POC5: variants seen among roughly 807,000 people sequenced by gnomAD.
POC5 encodes the protein POC5 centriolar protein.
POC5 carries 48 observed loss-of-function variants against 62.9 expected under a neutral mutation model. That is an observed-to-expected ratio of 0.76 (90% confidence interval 0.61 to 0.97). The LOEUF (loss-of-function observed/expected upper bound fraction) is 0.97, where lower values mean the gene tolerates loss of function less well. POC5 is among the 50% of genes least tolerant of loss of function. The pLI is 0.00. For missense variants in POC5, 696 were observed against 679.5 expected (o/e 1.02, Z -0.27); for synonymous variants, 236 against 228.2 (o/e 1.03, Z -0.31).
intron 10 of POC5, among the ~76,000 whole-genome samples, chr5:75,684,047 T>C (rs1232333949): frequency 6.6e-6 from 1 of 152,102 alleles, no homozygotes; most frequent in Non-Finnish European, 1.5e-5. Context: ...TCAGGCAAGT[T>C]CTCACACAAA....
chr5:75,704,780 G>A lies in POC5; in HGVS notation c.307+924C>T, dbSNP rs551499884. ...ACTAAGGGTTAGAGGCATTACTTAC[G>A]TGGTGACAAAAATGGTTACCACATT... On this transcript the variant is annotated intron_variant, in intron 4 of 11. Coordinates refer to ENST00000428202, the MANE Select transcript of POC5 (RefSeq NM_001099271.2). Among the ~76,000 whole-genome samples the A allele has an allele frequency of 4.6e-5, 7 of 152,256 alleles. No individual in the cohort carries two copies. The East Asian group carries it at 7.7e-4, about 17-fold the overall frequency.
Position 75,692,385 on chromosome 5 carries a change from T to TTGACACTTACATCCTGTCTGGCTC in POC5, c.782_795+10dup. 1 of 1,561,094 alleles carries TTGACACTTACATCCTGTCTGGCTC rather than the reference T, an allele frequency of 6.4e-7. No homozygotes were observed. The highest frequency in any genetic ancestry group is 1.4e-5 in the African/African-American group (1 of 72,708). On this transcript the variant is annotated intron_variant, in intron 7 of 11. Coordinates refer to ENST00000428202, the MANE Select transcript of POC5 (RefSeq NM_001099271.2). Reference sequence around the variant, plus strand: ...TAACATCCATCAGCTGTCTTCTGCTTTGACACTTACATCCTGTCTGGCTCT... The same window carrying TTGACACTTACATCCTGTCTGGCTC: ...TAACATCCATCAGCTGTCTTCTGCTTTGACACTTACATCCTGTCTGGCTCTGACACTTACATCCTGTCTGGCTCT...
chr5:75,696,803 T>G (rs1160324488), intron 5 of POC5, among the ~76,000 whole-genome samples: 1 of 151,612 alleles, frequency 6.6e-6, no homozygotes, highest in Non-Finnish European at 1.5e-5. Context: ...GTTGAAAACT[T>G]TGAAAAAAAT....
intron 2 of POC5, among the ~76,000 whole-genome samples, chr5:75,709,968 C>A (rs1188520544): frequency 6.6e-6 from 1 of 152,212 alleles, no homozygotes; most frequent in African/African-American, 2.4e-5. Context: ...GCCAAGAGAC[C>A]TGGTCTATGG....
At chr5:75,684,733 G>A (rs1450596989) in intron 10 of POC5, among the ~76,000 whole-genome samples, 1 of 151,730 alleles carries the variant, frequency 6.6e-6, no homozygotes, top group African/African-American at 2.4e-5. Flanking sequence ...GCACTTTCAG[G>A]TATTTTCATT....
intron 10 of POC5, among the ~76,000 whole-genome samples, chr5:75,684,632 G>C (rs1033378746): frequency 2.0e-5 from 3 of 151,910 alleles, no homozygotes; most frequent in African/African-American, 7.3e-5. Context: ...CAGAGTGCTG[G>C]GATTACAGGC....
chr5:75,714,156 G>A (rs1324778951), intron 1 of POC5, among the ~76,000 whole-genome samples: 1 of 152,200 alleles, frequency 6.6e-6, no homozygotes, highest in Non-Finnish European at 1.5e-5. Flanking sequence ...GAGGTAGGTG[G>A]ATCACCTGAG....
intron 1 of POC5, among the ~76,000 whole-genome samples, chr5:75,715,204 G>C (rs1238051818): frequency 6.6e-6 from 1 of 151,726 alleles, no homozygotes; most frequent in Non-Finnish European, 1.5e-5. Context: ...CAGCTACTTG[G>C]GAGGCTGAGG....
In POC5 at chr5:75,694,956, T is replaced by C. The variant is rs1413381930; in HGVS notation, c.514-125A>G. 26 of 645,834 alleles carry C rather than the reference T, an allele frequency of 4.0e-5. No individual in the cohort carries two copies. The Middle Eastern group carries it at 1.7e-3, about 43-fold the overall frequency. The allele number at this position is 645,834 out of a possible 1,614,324, so 40.0% of individuals were successfully genotyped here. On this transcript the variant is annotated intron_variant, in intron 5 of 11. Transcript: ENST00000428202. ...ATCAACACAAAAGTCATTAAAACAA[T>C]TGGAACACATTAATGAAAAACATAT...
intron 4 of POC5, among the ~76,000 whole-genome samples, chr5:75,704,345 A>C (rs1340278861): frequency 1.3e-5 from 2 of 152,188 alleles, no homozygotes; most frequent in Non-Finnish European, 2.9e-5. Flanking sequence ...TGTTACTTAA[A>C]TCTTTCAAGA....
intron 4 of POC5, among the ~76,000 whole-genome samples, chr5:75,703,957 C>T (rs1777011764): frequency 6.6e-6 from 1 of 151,952 alleles, no homozygotes; most frequent in Non-Finnish European, 1.5e-5. Flanking sequence ...AGTTCAAGAC[C>T]AGCCTGGCCA....
In POC5 at chr5:75,689,066, C is replaced by T. The variant is rs746986549; in HGVS notation, c.1075G>A (p.Val359Ile). Residue 359 changes from valine to isoleucine, a missense_variant, in exon 9 of 12, where the codon GTA (valine) becomes ATA (isoleucine). Physicochemically the swap from Val to Ile is conservative, Grantham distance 29. Transcript: ENST00000428202. ...DSMKKAFMRG[V>I]CALNLEAMTI... ...ATGGCTTCAAGATTTAATGCACATACACCCCTCATGAAAGCTTTTTTCATG... is the reference window on the plus strand; with the variant it reads ...ATGGCTTCAAGATTTAATGCACATATACCCCTCATGAAAGCTTTTTTCATG... 3 of 1,605,976 alleles carry T rather than the reference C, an allele frequency of 1.9e-6. No individual in the cohort carries two copies. Among genetic ancestry groups the T allele is most frequent in the Non-Finnish European group, 2.6e-6 (3 of 1,176,234 alleles).
At chr5:75,680,892 C>T (rs1383624134) in intron 10 of POC5, among the ~76,000 whole-genome samples, 1 of 152,098 alleles carries the variant, frequency 6.6e-6, no homozygotes, top group African/African-American at 2.4e-5. Context: ...CAAATTAATA[C>T]ATATTTATGT....
intron 10 of POC5, among the ~76,000 whole-genome samples, chr5:75,680,540 C>T (rs1038334558): frequency 4.6e-5 from 7 of 151,982 alleles, no homozygotes; most frequent in Admixed American, 2.0e-4. Flanking sequence ...TGTTTACTGT[C>T]GGCTGCTTGT....
intron 5 of POC5, among the ~76,000 whole-genome samples, chr5:75,697,689 C>A (rs1274830123): frequency 1.3e-5 from 2 of 151,486 alleles, no homozygotes; most frequent in Non-Finnish European, 2.9e-5. Flanking sequence ...TGTCATTGAT[C>A]CTGTCAGGAT....
At chr5:75,681,400 T>C (rs1404429334) in intron 10 of POC5, among the ~76,000 whole-genome samples, 2 of 152,142 alleles carry the variant, frequency 1.3e-5, no homozygotes, top group African/African-American at 4.8e-5. Context: ...TGAAAAATAT[T>C]TCCCCTCAAT....
At chr5:75,705,605 AAAT>A in intron 4 of POC5, 96 bp downstream of exon 4, 5 of 686,014 alleles carry the variant, frequency 7.3e-6, no homozygotes, top group Non-Finnish European at 1.1e-5. Context: ...TCCTGCTAAT[AAAT>A]AATATGCTGA....
intron 2 of POC5, among the ~76,000 whole-genome samples, chr5:75,708,780 T>C (rs1399540952): frequency 6.6e-6 from 1 of 152,250 alleles, no homozygotes; most frequent in East Asian, 1.9e-4. Context: ...GGCAATTACA[T>C]GTACAAGAGT....
At chr5:75,695,021 TC>T (rs1776501895) in intron 5 of POC5, among the ~76,000 whole-genome samples, 190 bp from the exon 6 acceptor site, 3 of 152,322 alleles carry the variant, frequency 2.0e-5, no homozygotes, top group African/African-American at 7.2e-5. Context: ...TTCACATTCA[TC>T]ATACTAGGGA....
Sources: gnomAD v4.1 joint callset for allele counts (sites outside exome capture counted in the v4.1 genomes callset) on GRCh38, gnomAD v4.1.1 for gene constraint, MANE v1.5 for transcripts, NCBI Gene and HGNC (gene_info 2026-07-23, HGNC 2026-07-21) for gene names.